The following USP36 variants were observed in gnomAD, a reference collection of about 807,000 sequenced individuals.
The protein encoded by USP36 is ubiquitin carboxyl-terminal hydrolase 36.
In USP36, 59 loss-of-function variants were observed where a neutral mutation model predicts 111.5. The ratio of observed to expected loss-of-function variants is 0.53; its 90% CI spans 0.43 to 0.66. The LOEUF (loss-of-function observed/expected upper bound fraction) is 0.66. USP36 is among the 30% of genes least tolerant of loss of function. The pLI, the probability that USP36 is intolerant of heterozygous loss-of-function variation, is 0.00. For missense variants in USP36, 1,488 were observed against 1,468.0 expected, an observed-to-expected ratio of 1.01 and a Z score of -0.22; for synonymous variants, 628 against 581.0, an observed-to-expected ratio of 1.08 and a Z score of -1.16.
chr17:78,798,511 T>C lies in USP36; in HGVS notation c.3281A>G (p.Asn1094Ser). ...IKKFKREKRR[N>S]FNAFQKLQTR... is the part of the protein sequence containing the mutation. ...CTGAAGTTTCTGGAAGGCGTTGAAG[T>C]TTCTCCTCTTCTCTCTCTTAAATTT... The change falls in exon 20 of 21, where the codon AAC becomes AGC. Residue 1094 changes from asparagine to serine, a missense_variant. Physicochemically the swap from Asn to Ser is conservative, Grantham distance 46. Coordinates refer to ENST00000449938, the MANE Select transcript of USP36 (RefSeq NM_001385174.1). The surrounding 1 kb of genome is among the most constrained non-coding windows in gnomAD (Gnocchi z 5.1). 1 of 1,613,884 alleles carries C rather than the reference T, an allele frequency of 6.2e-7. No homozygotes were observed. The highest frequency in any genetic ancestry group is 8.5e-7 in the Non-Finnish European group (1 of 1,179,978).
downstream of USP36, among the ~76,000 whole-genome samples, chr17:78,793,693 A>G (rs1211089592): frequency 2.0e-5 from 3 of 151,686 alleles, no homozygotes; most frequent in African/African-American, 7.3e-5. Context: ...CCAAGCTACC[A>G]AGACTTGAGG....
chr17:78,814,774 C>T (rs1381053763), intron 10 of USP36, among the ~76,000 whole-genome samples: 1 of 151,080 alleles, frequency 6.6e-6, no homozygotes, highest in African/African-American at 2.4e-5. Context: ...TATAGCGAAA[C>T]CCCACTTCTA....
rs2093692042 is a variant in USP36, at chr17:78,799,675, C to T, written c.3116G>A (p.Gly1039Glu). Residue 1039 changes from glycine to glutamate, a missense_variant, in exon 18 of 21, where the codon GGG (glycine) becomes GAG (glutamate). This residue lies in a region of USP36 where 1,073 missense variants were observed against 994.1 expected (regional missense o/e 1.08). Transcript: ENST00000449938. ...LLKYSSDKAY[G>E]RKVLTWDGKM... ...TGTCTCCAAATCAGTACCTTTTCTC[C>T]CGTAAGCTTTATCAGATGAGTATTT... 2 of 1,612,132 alleles carry T rather than the reference C, an allele frequency of 1.2e-6. No homozygotes were observed. The highest frequency in any genetic ancestry group is 1.7e-5 in the Admixed American group (1 of 59,592).
intron 6 of USP36, 34 bp downstream of exon 6, chr17:78,827,211 A>C: frequency 1.5e-6 from 2 of 1,330,316 alleles, no homozygotes; most frequent in East Asian, 4.6e-5. Flanking sequence ...AAAGGTGTCC[A>C]AAGCCCTGGG....
At position 78,798,220 on chromosome 17, in the gene USP36, C is replaced by G; in HGVS notation, c.*20+180G>C. 1 of 745,920 alleles carries G rather than the reference C, an allele frequency of 1.3e-6. No homozygotes were observed. The highest frequency in any genetic ancestry group is 2.1e-6 in the Non-Finnish European group (1 of 470,136). The allele number at this position is 745,920 out of a possible 1,614,324, so 46.2% of individuals were successfully genotyped here. A position where few individuals can be genotyped will look rare whatever the true frequency, so the allele number is the denominator to read the frequency against. ...ACACGCATCCCACACACACCCTTCT[C>G]CAAGTGACTAGGACACACACCACAG... is the stretch of plus-strand genomic sequence containing the variant. On this transcript the variant is annotated intron_variant, in intron 20 of 20. Coordinates refer to ENST00000449938, the MANE Select transcript of USP36 (RefSeq NM_001385174.1). The surrounding 1 kb of genome is among the most constrained non-coding windows in gnomAD (Gnocchi z 5.1).
At chr17:78,831,759 C>A (rs543830970) in intron 4 of USP36, among the ~76,000 whole-genome samples, 1 of 151,820 alleles carries the variant, frequency 6.6e-6, no homozygotes, top group Non-Finnish European at 1.5e-5. Context: ...CTGGGCAACA[C>A]TGCCTAACCA....
rs577822359 is a variant in USP36 at position 78,800,459 on chromosome 17, C to T, written c.3023-691G>A. Among the ~76,000 whole-genome samples the T allele has an allele frequency of 3.3e-4, 51 of 152,358 alleles. No homozygotes were observed. In the South Asian group the frequency reaches 6.8e-3, roughly 20 times the overall value. On this transcript the variant is annotated intron_variant, in intron 17 of 20. Transcript: ENST00000449938. Reference sequence around the variant, plus strand: ...GGGTTCTAGAAACCCTTTCTGAACTCGTCCTCTGCCCAGCTAGCCACATAG... The same window carrying T: ...GGGTTCTAGAAACCCTTTCTGAACTTGTCCTCTGCCCAGCTAGCCACATAG...
At chr17:78,833,809 T>C (rs2068382904) in intron 4 of USP36, among the ~76,000 whole-genome samples, 1 of 148,084 alleles carries the variant, frequency 6.8e-6, no homozygotes, top group Non-Finnish European at 1.5e-5. Flanking sequence ...CGTGAAGAAG[T>C]TGTGGTTATC....
intron 10 of USP36, among the ~76,000 whole-genome samples, chr17:78,815,720 A>G (rs2094161644): frequency 6.7e-6 from 1 of 149,882 alleles, no homozygotes; most frequent in Non-Finnish European, 1.5e-5. Context: ...AAAAAAATAC[A>G]CGCACACATA....
At chr17:78,814,737 C>T (rs866398465) in intron 10 of USP36, among the ~76,000 whole-genome samples, 185 bp from the exon 11 acceptor site, 23 of 147,658 alleles carry the variant, frequency 1.6e-4, no homozygotes, top group Middle Eastern at 4.0e-3. Context: ...GGGATCACCT[C>T]GAGGAGTTCG....
At chr17:78,790,196 C>T (rs2093571375) in intron 3 of USP36, among the ~76,000 whole-genome samples, 1 of 152,126 alleles carries the variant, frequency 6.6e-6, no homozygotes, top group Non-Finnish European at 1.5e-5. Flanking sequence ...TCAAGTGACT[C>T]CTCTGCCTCA....
intron 4 of USP36, among the ~76,000 whole-genome samples, chr17:78,834,584 T>C (rs2068471710): frequency 6.6e-6 from 1 of 151,936 alleles, no homozygotes. Flanking sequence ...GCAGCTGGGA[T>C]TACAGGTGCA....
chr17:78,791,899 A>AGG (rs1185274072), downstream of USP36: 1 of 152,206 alleles, frequency 6.6e-6, no homozygotes, highest in Admixed American at 6.6e-5. Flanking sequence ...TCCTATACTG[A>AGG]GGGGGCACCT....
At chr17:78,799,900 TTTTTTA>T (rs2093698582) in intron 17 of USP36, 132 bp from the exon 18 acceptor site, 6 of 622,174 alleles carry the variant, frequency 9.6e-6, no homozygotes, top group East Asian at 7.0e-5. Context: ...TTTTTTTTTT[TTTTTTA>T]AAGACAGGGT....
intron 10 of USP36, among the ~76,000 whole-genome samples, chr17:78,817,689 G>A (rs1284269697): frequency 6.6e-6 from 1 of 150,746 alleles, no homozygotes; most frequent in Admixed American, 6.6e-5. Flanking sequence ...AGAAGGTGGA[G>A]ACAGCGCCAC....
In USP36 at chr17:78,812,963, G is replaced by C. The variant is rs761954425; in HGVS notation, c.1304C>G (p.Ser435Cys). Residue 435 changes from serine to cysteine, a missense_variant, in exon 13 of 21, where the codon TCC becomes TGC. Physicochemically the swap from Ser to Cys is moderately radical, Grantham distance 112. This residue lies in a region of USP36 where 1,073 missense variants were observed against 994.1 expected (regional missense o/e 1.08). Transcript: ENST00000449938. ...GGGAAGGGAGGAGGAGCCTGTCCTG[G>C]AGATGAGGCCCTCGGGACTTTTCTT... is the stretch of plus-strand genomic sequence containing the variant. ...GSKKSPEGLI[S>C]RTGSSSLPGR... 6 of 1,614,126 alleles carry C rather than the reference G, an allele frequency of 3.7e-6. No individual in the cohort carries two copies. The highest frequency in any genetic ancestry group is 5.1e-6 in the Non-Finnish European group (6 of 1,180,012).
Position 78,803,265 on chromosome 17 carries a change from T to C in USP36, c.2810+120A>G. ...GGAGACATCTGATCACAAATCCACA[T>C]TTTAGAAAACCACGCAAGCAGACTA... On this transcript the variant is annotated intron_variant, in intron 16 of 20. Coordinates refer to ENST00000449938, the MANE Select transcript of USP36 (RefSeq NM_001385174.1). The surrounding 1 kb of genome is among the most constrained non-coding windows in gnomAD (Gnocchi z 4.6). 8.8e-7 allele frequency: 1 copy of C among 1,136,918 alleles called. No homozygotes were observed. The highest frequency in any genetic ancestry group is 1.5e-5 in the South Asian group (1 of 65,752). 70.4% of individuals were successfully genotyped at this position (1,136,918 alleles called of 1,614,324 possible). A position where few individuals can be genotyped will look rare whatever the true frequency, so the allele number is the denominator to read the frequency against.
chr17:78,831,104 T>C (rs2068045537), intron 4 of USP36, among the ~76,000 whole-genome samples: 1 of 151,370 alleles, frequency 6.6e-6, no homozygotes, highest in Admixed American at 6.6e-5. Context: ...CACGTGCCTG[T>C]AGTCCCAGCT....
intron 4 of USP36, among the ~76,000 whole-genome samples, chr17:78,829,974 T>C (rs1450954668): frequency 6.6e-6 from 1 of 152,128 alleles, no homozygotes; most frequent in East Asian, 1.9e-4. Flanking sequence ...CTCCTGACCT[T>C]GTGATCCACC....
Sources: allele counts gnomAD v4.1 joint callset (sites outside exome capture counted in the v4.1 genomes callset), GRCh38; gene constraint gnomAD v4.1.1; regional missense constraint gnomAD v4.1.1; non-coding constraint Gnocchi (gnomAD v3.1); transcripts MANE v1.5; gene names NCBI Gene and HGNC (gene_info 2026-07-23, HGNC 2026-07-21).